Variants in DNAAF10 observed in about 807,000 individuals in gnomAD.
DNAAF10 encodes WD repeat domain 92.
In DNAAF10, 28 loss-of-function variants were observed where a neutral mutation model predicts 43.7. The observed-to-expected ratio is 0.64, with a 90% confidence interval of 0.48 to 0.88. DNAAF10 has a LOEUF of 0.88. Among genes scored for constraint, DNAAF10 ranks in the 40% least tolerant of loss-of-function variants. The pLI, the probability that DNAAF10 is intolerant of heterozygous loss-of-function variation, is 0.00. For missense variants in DNAAF10, 403 were observed against 439.1 expected (o/e 0.92, Z 0.73); for synonymous variants, 156 against 157.3 (o/e 0.99, Z 0.06).
chr2:68,147,380 A>T, intron 2 of DNAAF10, 87 bp downstream of exon 2: 1 of 993,902 alleles, frequency 1.0e-6, no homozygotes, highest in Non-Finnish European at 1.5e-6. Context: ...TTTTAAAATT[A>T]AAATTCTCTC....
chr2:68,138,525 A>G (rs934817580), intron 5 of DNAAF10, among the ~76,000 whole-genome samples: 1 of 152,212 alleles, frequency 6.6e-6, no homozygotes, highest in Non-Finnish European at 1.5e-5. Flanking sequence ...GACTCCCCCA[A>G]CGCTGTGCAA....
intron 1 of DNAAF10, among the ~76,000 whole-genome samples, chr2:68,156,360 T>A (rs1335449729): frequency 6.6e-6 from 1 of 150,762 alleles, no homozygotes; most frequent in Non-Finnish European, 1.5e-5. Flanking sequence ...AGAGTTAACC[T>A]ACCCTGCACT....
intron 2 of DNAAF10, 134 bp from the exon 3 acceptor site, chr2:68,144,849 A>C: frequency 8.4e-7 from 1 of 1,187,454 alleles, no homozygotes; most frequent in Non-Finnish European, 1.1e-6. Context: ...TAGTTTATAC[A>C]TTTATTTACA....
intron 1 of DNAAF10, among the ~76,000 whole-genome samples, chr2:68,153,745 G>GTTTT (rs35521976): frequency 3.6e-4 from 28 of 78,452 alleles, no homozygotes; most frequent in South Asian, 1.1e-3. Flanking sequence ...ACACAATGAA[G>GTTTT]TTTTTTTTTT....
intron 2 of DNAAF10, 85 bp from the exon 3 acceptor site, chr2:68,144,800 G>C: frequency 6.9e-7 from 1 of 1,459,590 alleles, no homozygotes; most frequent in Non-Finnish European, 9.1e-7. Flanking sequence ...ATTATAGTTA[G>C]ATTTTTTCTG....
rs1352025341 is a variant in DNAAF10, at chr2:68,131,246, T to G, written c.1066A>C (p.Lys356Gln). 1.2e-6 allele frequency: 2 copies of G among 1,613,874 alleles called. No homozygotes were observed. Among genetic ancestry groups the G allele is most frequent in the African/African-American group, 1.3e-5 (1 of 74,876 alleles). Residue 356 changes from lysine (K) to glutamine (Q), a missense_variant, in exon 8 of 8, where the codon AAA becomes CAA. Lys to Gln is a moderately conservative substitution (Grantham distance 53). Coordinates refer to ENST00000295121, the MANE Select transcript of DNAAF10 (RefSeq NM_138458.4). ...AGTCCAAAGTCTTGAAGTCAAATTT[T>G]ATTGAGCTTTGTAACGATCAGTACT... Reference protein sequence around the residue: ...VRVLIVTKLNKI With the variant: ...VRVLIVTKLNQI
chr2:68,147,661 A>C (rs536872653), intron 1 of DNAAF10, 94 bp from the exon 2 acceptor site: 137 of 837,504 alleles, frequency 1.6e-4, no homozygotes, highest in Non-Finnish European at 2.2e-4. Context: ...TATGGCATTT[A>C]AATAAGACAA....
At chr2:68,137,712 C>A (rs548516185) in intron 5 of DNAAF10, among the ~76,000 whole-genome samples, 2 of 150,736 alleles carry the variant, frequency 1.3e-5, no homozygotes. Flanking sequence ...ACTAAAAATA[C>A]AAAAATTAGC....
At chr2:68,153,939 G>A (rs1194499691) in intron 1 of DNAAF10, among the ~76,000 whole-genome samples, 2 of 151,744 alleles carry the variant, frequency 1.3e-5, no homozygotes, top group Admixed American at 6.6e-5. Context: ...TTTTTTAGTA[G>A]AGATGGGGTT....
chr2:68,137,397 T>C lies in DNAAF10; in HGVS notation c.670A>G (p.Met224Val). ...AGAGATGTGGCTACTAACTTATTCA[T>C]ACTTATGTCTTTTCTGTCAAACTCC... ...SLEFDRKDIS[M>V]NKLVATSLEG... is the part of the protein sequence containing the mutation. The change falls in exon 6 of 8, where the codon ATG (methionine) becomes GTG (valine). Residue 224 changes from methionine (M) to valine (V), a missense_variant. Physicochemically the swap from Met to Val is conservative, Grantham distance 21. Coordinates refer to ENST00000295121, the MANE Select transcript of DNAAF10 (RefSeq NM_138458.4). 2 of 1,613,000 alleles carry C rather than the reference T, an allele frequency of 1.2e-6. No homozygotes were observed. The highest frequency in any genetic ancestry group is 2.2e-5 in the East Asian group (1 of 44,814).
rs1672904494 is a variant in DNAAF10, at chr2:68,130,335, T to A, written c.*903A>T. On this transcript the variant is annotated 3_prime_UTR_variant, in exon 8 of 8. Transcript: ENST00000295121. ...TTAGTAGAGACGGGTTTTGACCATGTTGGCCAGGCTGGTCTCGAATTCCTG... is the reference window on the plus strand; with the variant it reads ...TTAGTAGAGACGGGTTTTGACCATGATGGCCAGGCTGGTCTCGAATTCCTG... The A allele has an allele frequency of 6.6e-6, 1 of 151,818 alleles. No individual in the cohort carries two copies. The highest frequency in any genetic ancestry group is 1.5e-5 in the Non-Finnish European group (1 of 67,962). 9.4% of individuals were successfully genotyped at this position (151,818 alleles called of 1,614,324 possible).
At chr2:68,152,059 CGTTATTGGAA>C (rs1418836277) in intron 1 of DNAAF10, among the ~76,000 whole-genome samples, 2 of 152,084 alleles carry the variant, frequency 1.3e-5, no homozygotes, top group Non-Finnish European at 2.9e-5. Flanking sequence ...TAAACCTGAG[CGTTATTGGAA>C]GTATCAAAGA....
intron 2 of DNAAF10, among the ~76,000 whole-genome samples, chr2:68,146,248 C>T (rs973198430): frequency 6.6e-5 from 10 of 152,042 alleles, no homozygotes; most frequent in African/African-American, 2.4e-5. Flanking sequence ...GGCAACAGAG[C>T]GAGACTCCAT....
In DNAAF10 at chr2:68,130,111, G is replaced by GATATATATATATATAT. The variant is rs200642044; in HGVS notation, c.*1126_*1127insATATATATATATATAT. 3 of 131,862 alleles carry GATATATATATATATAT rather than the reference G, an allele frequency of 2.3e-5. No individual in the cohort carries two copies. Among genetic ancestry groups the GATATATATATATATAT allele is most frequent in the African/African-American group, 9.1e-5 (3 of 32,802 alleles). 8.2% of individuals were successfully genotyped at this position (131,862 alleles called of 1,614,324 possible). ...AGACCAACCGTGCCGTTTTGAGAGA[G>GATATATATATATATAT]AGAGATATATATATATATATTTGTT... On this transcript the variant is annotated 3_prime_UTR_variant, in exon 8 of 8. Coordinates refer to ENST00000295121, the MANE Select transcript of DNAAF10 (RefSeq NM_138458.4).
At position 68,157,289 on chromosome 2, in the gene DNAAF10, T is replaced by G; in HGVS notation, c.155A>C (p.Gln52Pro). ...CCGAAGCAGCTTCAGGTCCCCGTGC[T>G]GGATCTCGTACAGCTGAATGACGCC... ...GTGVIQLYEI[Q>P]HGDLKLLREI... is the part of the protein sequence containing the mutation. Residue 52 changes from glutamine to proline, a missense_variant, in exon 1 of 8, where the codon CAG becomes CCG. Transcript: ENST00000295121. 1 of 1,614,068 alleles carries G rather than the reference T, an allele frequency of 6.2e-7. No individual in the cohort carries two copies. The highest frequency in any genetic ancestry group is 8.5e-7 in the Non-Finnish European group (1 of 1,179,950).
chr2:68,131,056 C>A lies in DNAAF10; in HGVS notation c.*182G>T, dbSNP rs1169350423. The A allele has an allele frequency of 2.0e-6, 1 of 489,970 alleles. No individual in the cohort carries two copies. The highest frequency in any genetic ancestry group is 3.6e-6 in the Non-Finnish European group (1 of 276,026). The allele number at this position is 489,970 out of a possible 1,614,324, so 30.4% of individuals were successfully genotyped here. ...TCAGCCTCCCAAGTAGCTAGGACTA[C>A]AGATGCCCGCCATGACACCCAGCAA... On this transcript the variant is annotated 3_prime_UTR_variant, in exon 8 of 8. Transcript: ENST00000295121.
Position 68,131,245 on chromosome 2 carries a change from T to A in DNAAF10, c.1067A>T (p.Lys356Ile). Residue 356 changes from lysine to isoleucine, a missense_variant, in exon 8 of 8, where the codon AAA (lysine) becomes ATA (isoleucine). Lys to Ile is a moderately radical substitution (Grantham distance 102, BLOSUM62 -3). Transcript: ENST00000295121. ...AAGTCCAAAGTCTTGAAGTCAAATTTTATTGAGCTTTGTAACGATCAGTAC... is the reference window on the plus strand; with the variant it reads ...AAGTCCAAAGTCTTGAAGTCAAATTATATTGAGCTTTGTAACGATCAGTAC... ...VRVLIVTKLN[K>I]I 6.2e-7 allele frequency: 1 copy of A among 1,613,894 alleles called. No homozygotes were observed.
chr2:68,147,147 C>T (rs942705154), intron 2 of DNAAF10, among the ~76,000 whole-genome samples: 1 of 152,060 alleles, frequency 6.6e-6, no homozygotes, highest in Non-Finnish European at 1.5e-5. Flanking sequence ...TTTTTATATA[C>T]TGTATTTTTA....
chr2:68,135,775 A>C (rs933076245), intron 6 of DNAAF10, among the ~76,000 whole-genome samples: 4 of 152,234 alleles, frequency 2.6e-5, no homozygotes, highest in African/African-American at 9.6e-5. Context: ...CAAGCTGTCG[A>C]AACATTTTAT....
Sources: allele counts gnomAD v4.1 joint callset (sites outside exome capture counted in the v4.1 genomes callset), GRCh38; gene constraint gnomAD v4.1.1; transcripts MANE v1.5; gene names NCBI Gene and HGNC (gene_info 2026-07-23, HGNC 2026-07-21).